The following STYK1 variants were observed in gnomAD, a reference collection of about 807,000 sequenced individuals.
STYK1 encodes tyrosine-protein kinase STYK1.
In STYK1, 46 loss-of-function variants were observed where a neutral mutation model predicts 48.1. The ratio of observed to expected loss-of-function variants is 0.96; its 90% CI spans 0.75 to 1.22. The LOEUF (loss-of-function observed/expected upper bound fraction) is 1.22, where lower values mean the gene tolerates loss of function less well. STYK1 is among the 50% of genes most tolerant of loss of function. The pLI, the probability that STYK1 is intolerant of heterozygous loss-of-function variation, is 0.00. For missense variants in STYK1, 527 were observed against 521.1 expected (o/e 1.01, Z -0.11); for synonymous variants, 188 against 189.0 (o/e 0.99, Z 0.04).
intron 1 of STYK1, among the ~76,000 whole-genome samples, chr12:10,670,340 C>A (rs1185848809): frequency 3.3e-5 from 5 of 151,972 alleles, no homozygotes; most frequent in Non-Finnish European, 5.9e-5. Flanking sequence ...AAATGTCCAT[C>A]AATGGATAAA....
At chr12:10,627,553 T>C (rs1415340774) in intron 7 of STYK1, 88 bp downstream of exon 7, 2 of 1,227,864 alleles carry the variant, frequency 1.6e-6, no homozygotes, top group African/African-American at 1.5e-5. Context: ...ACACACCACT[T>C]GAGAATATTA....
rs537663765 is a variant in STYK1 at position 10,668,511 on chromosome 12, G to A, written c.-195+5455C>T. Among the ~76,000 whole-genome samples, 74 of 141,836 alleles carry A rather than the reference G, an allele frequency of 5.2e-4. 1 individual carries two copies. Among genetic ancestry groups the A allele is most frequent in the East Asian group, 4.1e-3 (20 of 4,872 alleles). 93.0% of individuals were successfully genotyped at this position (141,836 alleles called of 152,430 possible). A position where few individuals can be genotyped will look rare whatever the true frequency, so the allele number is the denominator to read the frequency against. On this transcript the variant is annotated intron_variant, in intron 1 of 10. Transcript: ENST00000075503. ...CTGCCTCAGCCTCCCGAGTAGCTGG[G>A]ATTATAGGCACCTGTCACCACACCT...
chr12:10,647,800 C>T (rs766830043), intron 1 of STYK1, among the ~76,000 whole-genome samples: 7 of 152,094 alleles, frequency 4.6e-5, no homozygotes, highest in Non-Finnish European at 7.3e-5. Flanking sequence ...ATAAGTCTCA[C>T]GAGATCTGAT....
chr12:10,621,907 T>A lies in STYK1; in HGVS notation c.1033A>T (p.Met345Leu). Reference sequence around the variant, plus strand: ...TGTGTGCAGCTACTGGGTCTCTTCATGATTTTCCTTCTTTGGAGATGCTCT... The same window carrying A: ...TGTGTGCAGCTACTGGGTCTCTTCAAGATTTTCCTTCTTTGGAGATGCTCT... ...ILEHLQRRKI[M>L]KRPSSCTHTM... Residue 345 changes from methionine (M) to leucine (L), a missense_variant, in exon 10 of 11, where the codon ATG becomes TTG. Met to Leu is a conservative substitution (Grantham distance 15, BLOSUM62 2). Transcript: ENST00000075503. The A allele has an allele frequency of 1.2e-6, 2 of 1,613,950 alleles. No individual in the cohort carries two copies. The highest frequency in any genetic ancestry group is 1.7e-6 in the Non-Finnish European group (2 of 1,179,856).
intron 1 of STYK1, among the ~76,000 whole-genome samples, chr12:10,657,914 G>A (rs895478206): frequency 6.6e-6 from 1 of 152,200 alleles, no homozygotes; most frequent in African/African-American, 2.4e-5. Context: ...TGTGTTTTTG[G>A]TAAAAGATTA....
intron 8 of STYK1, 39 bp from the exon 9 acceptor site, chr12:10,622,717 C>T (rs1403865312): frequency 1.2e-6 from 2 of 1,612,992 alleles, no homozygotes; most frequent in Non-Finnish European, 1.7e-6. Context: ...ATTTCTATTT[C>T]TGTTTTTCTA....
chr12:10,647,992 C>G (rs1000764807), intron 1 of STYK1, among the ~76,000 whole-genome samples: 13 of 152,146 alleles, frequency 8.5e-5, no homozygotes, highest in Non-Finnish European at 2.9e-5. Context: ...TCAGGTATGT[C>G]TTTATCAGCA....
chr12:10,625,631 G>A (rs1485633127), intron 7 of STYK1, among the ~76,000 whole-genome samples: 1 of 152,016 alleles, frequency 6.6e-6, no homozygotes, highest in African/African-American at 2.4e-5. Context: ...TAACTGCATG[G>A]GTTGAATTCA....
At chr12:10,631,395 C>T (rs561058552) in intron 4 of STYK1, 87 bp from the exon 5 acceptor site, 339 of 1,524,914 alleles carry the variant, frequency 2.2e-4, no homozygotes, top group Middle Eastern at 2.1e-4. Flanking sequence ...CAAGGAGGTT[C>T]CTTCAGCAGT....
At position 10,631,046 on chromosome 12, in the gene STYK1, T is replaced by C. The variant is rs1415978132; in HGVS notation, c.450A>G (p.Lys150=). ...KPKSVILKAL[K]EPAGLHEVQD... is the part of the protein sequence containing the mutation. ...GGAGTCAAACACTTCTTGTTTTACC[T>C]TTTAAAGCCTTGAGAATAACACTCT... Residue 150 remains lysine (K), a splice_region_variant and synonymous_variant, in exon 5 of 11, where the codon AAA becomes AAG. Transcript: ENST00000075503. 2 of 1,612,894 alleles carry C rather than the reference T, an allele frequency of 1.2e-6. No individual in the cohort carries two copies. Among genetic ancestry groups the C allele is most frequent in the African/African-American group, 1.3e-5 (1 of 74,902 alleles).
chr12:10,670,693 G>A (rs1181180029), intron 1 of STYK1, among the ~76,000 whole-genome samples: 2 of 151,472 alleles, frequency 1.3e-5, no homozygotes, highest in Non-Finnish European at 1.5e-5. Flanking sequence ...TAATAACTAT[G>A]TATTGTATTC....
Position 10,634,072 on chromosome 12 carries a change from A to G in STYK1, c.105T>C (p.Thr35=). Residue 35 remains threonine (T), a synonymous_variant, in exon 4 of 11, where the codon ACT becomes ACC. Transcript: ENST00000075503. The part of the protein sequence containing the change: ...EVIIVPTLLV[T]IFLILLGVIL... The stretch of plus-strand genomic sequence containing the variant: ...TGACCCCAAGAAGGATGAGGAAGAT[A>G]GTAACCAACAAAGTTGGGACGATAA... 1.9e-6 allele frequency: 3 copies of G among 1,614,224 alleles called. No homozygotes were observed. Among genetic ancestry groups the G allele is most frequent in the South Asian group, 1.1e-5 (1 of 91,082 alleles).
chr12:10,661,214 T>G (rs1947773700), intron 1 of STYK1, among the ~76,000 whole-genome samples: 1 of 152,186 alleles, frequency 6.6e-6, no homozygotes, highest in Non-Finnish European at 1.5e-5. Context: ...CCTGAAAAGT[T>G]TTTGCCTAAT....
intron 1 of STYK1, among the ~76,000 whole-genome samples, chr12:10,644,956 A>T (rs1947583442): frequency 1.3e-5 from 2 of 152,334 alleles, no homozygotes; most frequent in South Asian, 4.1e-4. Context: ...AAAAGGAAAA[A>T]GAGAAGAGAG....
chr12:10,661,983 G>A (rs899992351), intron 1 of STYK1, among the ~76,000 whole-genome samples: 1 of 152,046 alleles, frequency 6.6e-6, no homozygotes, highest in Non-Finnish European at 1.5e-5. Context: ...CGTTACCCCA[G>A]AAAGAAACCC....
chr12:10,647,126 C>A (rs749156327), intron 1 of STYK1, among the ~76,000 whole-genome samples: 2 of 152,196 alleles, frequency 1.3e-5, no homozygotes, highest in Non-Finnish European at 2.9e-5. Flanking sequence ...AGTGGAGCTA[C>A]GAGAAGAGGG....
chr12:10,642,159 C>CCCAAATTTTG (rs1470138384), intron 1 of STYK1, among the ~76,000 whole-genome samples: 2 of 152,308 alleles, frequency 1.3e-5, no homozygotes, highest in Admixed American at 6.5e-5. Context: ...TGCAAGAGCT[C>CCCAAATTTTG]CCAAATTTTG....
chr12:10,673,311 A>C (rs1947908845), intron 1 of STYK1, among the ~76,000 whole-genome samples: 1 of 152,080 alleles, frequency 6.6e-6, no homozygotes, highest in Non-Finnish European at 1.5e-5. Context: ...TGGGAGGCGG[A>C]GGTTGCAGTG....
At chr12:10,639,855 G>A (rs941075211) in intron 1 of STYK1, among the ~76,000 whole-genome samples, 2 of 152,214 alleles carry the variant, frequency 1.3e-5, no homozygotes, top group East Asian at 3.9e-4. Context: ...AGGTCAAGAA[G>A]GAATTACATT....
Sources: gnomAD v4.1 joint callset for allele counts (sites outside exome capture counted in the v4.1 genomes callset) on GRCh38, gnomAD v4.1.1 for gene constraint, MANE v1.5 for transcripts, NCBI Gene and HGNC (gene_info 2026-07-23, HGNC 2026-07-21) for gene names.